The following SGCZ variants were observed in gnomAD, a reference collection of about 807,000 sequenced individuals.
SGCZ encodes the protein zeta-sarcoglycan.
Under a neutral mutation model 41.3 loss-of-function variants are expected in SGCZ, and 40 were observed. The ratio of observed to expected loss-of-function variants is 0.97; its 90% CI spans 0.75 to 1.26. The LOEUF (loss-of-function observed/expected upper bound fraction) is 1.26, where lower values mean the gene tolerates loss of function less well. SGCZ is among the 50% of genes most tolerant of loss of function. The pLI is 0.00. For missense variants in SGCZ, 552 were observed against 369.8 expected (o/e 1.49, Z -4.04); for synonymous variants, 206 against 137.5 (o/e 1.50, Z -3.49).
intron 2 of SGCZ, among the ~76,000 whole-genome samples, chr8:14,419,694 T>G (rs1799587786): frequency 6.6e-6 from 1 of 152,150 alleles, no homozygotes; most frequent in South Asian, 2.1e-4. Context: ...TTACCCCAAC[T>G]TACAGCCTGC....
intron 1 of SGCZ, among the ~76,000 whole-genome samples, chr8:15,206,871 C>A (rs1801085435): frequency 6.6e-6 from 1 of 151,702 alleles, no homozygotes; most frequent in African/African-American, 2.4e-5. Context: ...CCTTAGTATG[C>A]AAAAGGGGTC....
chr8:14,754,083 T>G (rs887195569), intron 1 of SGCZ, among the ~76,000 whole-genome samples: 1 of 152,210 alleles, frequency 6.6e-6, no homozygotes, highest in Admixed American at 6.5e-5. Context: ...AGTTCTGCAT[T>G]GAGTTTTGGA....
chr8:14,462,944 T>C (rs1238118451), intron 2 of SGCZ, among the ~76,000 whole-genome samples: 1 of 151,776 alleles, frequency 6.6e-6, no homozygotes, highest in Non-Finnish European at 1.5e-5. Flanking sequence ...TTATTTCTGA[T>C]GCTATTGTAA....
intron 2 of SGCZ, among the ~76,000 whole-genome samples, chr8:14,418,844 C>A (rs760378449): frequency 2.6e-5 from 4 of 151,844 alleles, no homozygotes; most frequent in Admixed American, 6.6e-5. Context: ...ATAGATAAAA[C>A]CAGTCAACAG....
intron 2 of SGCZ, among the ~76,000 whole-genome samples, chr8:14,450,212 C>T (rs1287587235): frequency 1.3e-5 from 2 of 152,200 alleles, no homozygotes; most frequent in Non-Finnish European, 2.9e-5. Context: ...CAACGAGGGT[C>T]TCTACTGACA....
intron 1 of SGCZ, among the ~76,000 whole-genome samples, chr8:14,616,676 G>A (rs1185822442): frequency 1.3e-5 from 2 of 152,060 alleles, no homozygotes; most frequent in Non-Finnish European, 2.9e-5. Flanking sequence ...AATTGAGTAT[G>A]TTAGTCAACT....
chr8:14,219,080 T>C (rs1408287423), intron 4 of SGCZ, among the ~76,000 whole-genome samples: 6 of 152,246 alleles, frequency 3.9e-5, no homozygotes, highest in Admixed American at 3.9e-4. Context: ...ATTGTTCTTT[T>C]GAAGTGCCCT....
At chr8:14,712,327 G>C (rs929770574) in intron 1 of SGCZ, among the ~76,000 whole-genome samples, 2 of 152,136 alleles carry the variant, frequency 1.3e-5, no homozygotes, top group African/African-American at 2.4e-5. Context: ...AGTAAACTTC[G>C]CAGAATTGTA....
At chr8:14,921,354 C>G (rs11778267) in intron 1 of SGCZ, among the ~76,000 whole-genome samples, 2,118 of 152,214 alleles carry the variant, frequency 0.014, 22 homozygotes, top group Middle Eastern at 0.024. Context: ...GTTCAAATAT[C>G]AGTTCCTCAC....
At chr8:14,674,477 G>A (rs1808207902) in intron 1 of SGCZ, among the ~76,000 whole-genome samples, 1 of 152,118 alleles carries the variant, frequency 6.6e-6, no homozygotes, top group African/African-American at 2.4e-5. Context: ...GTTCCTGATA[G>A]TATAGCTATA....
At chr8:14,611,454 T>C (rs1805926930) in intron 1 of SGCZ, among the ~76,000 whole-genome samples, 1 of 152,206 alleles carries the variant, frequency 6.6e-6, no homozygotes, top group African/African-American at 2.4e-5. Context: ...AGAGTGGCTT[T>C]AAATTCCATT....
At chr8:14,354,389 A>G (rs1803215110) in intron 2 of SGCZ, among the ~76,000 whole-genome samples, 1 of 151,906 alleles carries the variant, frequency 6.6e-6, no homozygotes, top group Non-Finnish European at 1.5e-5. Context: ...AAAAACTCCT[A>G]TAATGATACC....
Position 15,015,726 on chromosome 8 carries a change from CGTGTGTGTGTGTGT to C in SGCZ, c.39+221845_39+221858del, listed in dbSNP as rs60624490. Among the ~76,000 whole-genome samples, 449 of 125,172 alleles carry C rather than the reference CGTGTGTGTGTGTGT, an allele frequency of 3.6e-3. 2 individuals are homozygous for C. The highest frequency in any genetic ancestry group is 0.012 in the East Asian group (51 of 4,126). The allele number at this position is 125,172 out of a possible 152,430, so 82.1% of individuals were successfully genotyped here. On this transcript the variant is annotated intron_variant, in intron 1 of 7. Coordinates refer to ENST00000382080, the MANE Select transcript of SGCZ (RefSeq NM_139167.4). The stretch of plus-strand genomic sequence containing the variant: ...AAAGAAAAGAAAAAAGAAATATACA[CGTGTGTGTGTGTGT>C]GTGTGTGTGTGTGTGTGTGTGTGTG...
At chr8:14,254,274 A>T (rs1031569256) in intron 3 of SGCZ, among the ~76,000 whole-genome samples, 10 of 152,206 alleles carry the variant, frequency 6.6e-5, no homozygotes, top group Non-Finnish European at 1.3e-4. Context: ...AAGCAAAGAA[A>T]TTTACACAGA....
intron 1 of SGCZ, among the ~76,000 whole-genome samples, chr8:15,047,727 T>A (rs1347936287): frequency 6.6e-6 from 1 of 152,038 alleles, no homozygotes; most frequent in Non-Finnish European, 1.5e-5. Flanking sequence ...ATAATCTGAA[T>A]GTTTCTATAG....
chr8:14,220,093 G>T (rs775557103), intron 4 of SGCZ, among the ~76,000 whole-genome samples: 10 of 152,134 alleles, frequency 6.6e-5, no homozygotes, highest in Non-Finnish European at 1.3e-4. Context: ...CAACCTAATA[G>T]ATCGGTGCTT....
intron 1 of SGCZ, among the ~76,000 whole-genome samples, chr8:14,743,599 A>G (rs968547807): frequency 1.3e-5 from 2 of 152,114 alleles, no homozygotes; most frequent in Non-Finnish European, 2.9e-5. Flanking sequence ...ACATAAAGAT[A>G]CAGTATTGCA....
intron 1 of SGCZ, among the ~76,000 whole-genome samples, chr8:14,975,809 A>ATATGTGTGTG (rs1181919961): frequency 2.5e-4 from 33 of 131,920 alleles, no homozygotes; most frequent in African/African-American, 1.1e-3. Flanking sequence ...ATATATATAT[A>ATATGTGTGTG]TGTGTGTGTG....
intron 1 of SGCZ, among the ~76,000 whole-genome samples, chr8:15,191,719 A>G (rs1234179632): frequency 2.0e-5 from 3 of 152,032 alleles, no homozygotes; most frequent in Non-Finnish European, 4.4e-5. Context: ...AAGCATGTAC[A>G]AATAATATGC....
Sources: allele counts gnomAD v4.1 joint callset (sites outside exome capture counted in the v4.1 genomes callset), GRCh38; gene constraint gnomAD v4.1.1; transcripts MANE v1.5; gene names NCBI Gene and HGNC (gene_info 2026-07-23, HGNC 2026-07-21).